Variants in DCDC2 observed in about 807,000 individuals in gnomAD.
The protein encoded by DCDC2 is doublecortin domain containing 2, also known as doublecortin domain-containing protein 2.
DCDC2 carries 40 observed loss-of-function variants against 50.2 expected under a neutral mutation model. The observed-to-expected ratio is 0.80, with a 90% confidence interval of 0.62 to 1.04. DCDC2 has a LOEUF of 1.04. Among genes scored for constraint, DCDC2 ranks in the 50% least tolerant of loss-of-function variants. DCDC2 has a pLI of 0.00. For missense variants in DCDC2, 570 were observed against 581.9 expected, an observed-to-expected ratio of 0.98 and a Z score of 0.21; for synonymous variants, 234 against 210.6, an observed-to-expected ratio of 1.11 and a Z score of -0.96.
intron 2 of DCDC2, among the ~76,000 whole-genome samples, chr6:24,337,021 A>G (rs1346643703): frequency 6.6e-6 from 1 of 152,230 alleles, no homozygotes; most frequent in Non-Finnish European, 1.5e-5. Context: ...GGAGAAAAGT[A>G]GCTTGTCTCC....
At chr6:24,324,061 A>T (rs1759815917) in intron 2 of DCDC2, among the ~76,000 whole-genome samples, 1 of 152,182 alleles carries the variant, frequency 6.6e-6, no homozygotes, top group South Asian at 2.1e-4. Context: ...GCTTGTAGTT[A>T]ACCAGTGAAC....
intron 6 of DCDC2, among the ~76,000 whole-genome samples, chr6:24,286,737 G>A (rs972894590): frequency 2.6e-5 from 4 of 152,060 alleles, no homozygotes; most frequent in Non-Finnish European, 2.9e-5. Context: ...TTGAAATTAC[G>A]TAGGTCATTC....
intron 5 of DCDC2, among the ~76,000 whole-genome samples, chr6:24,290,697 TA>T (rs76420632): frequency 5.9e-5 from 9 of 151,298 alleles, no homozygotes; most frequent in East Asian, 3.9e-4. Context: ...TCATGCATGC[TA>T]AAAAAAAACC....
chr6:24,361,391 A>T (rs2127261632), upstream of DCDC2, among the ~76,000 whole-genome samples: 1 of 152,164 alleles, frequency 6.6e-6, no homozygotes, highest in Non-Finnish European at 1.5e-5. Flanking sequence ...TTACCTATAT[A>T]ACAAATCTGC....
intron 2 of DCDC2, among the ~76,000 whole-genome samples, chr6:24,345,810 C>A (rs752100876): frequency 6.6e-6 from 1 of 152,106 alleles, no homozygotes; most frequent in Admixed American, 6.6e-5. Flanking sequence ...TGAGGAAGAA[C>A]TGATAAAAGA....
At chr6:24,180,361 T>G (rs1761043527) in intron 8 of DCDC2, among the ~76,000 whole-genome samples, 1 of 152,124 alleles carries the variant, frequency 6.6e-6, no homozygotes, top group Admixed American at 6.5e-5. Context: ...CTCTGCTCAC[T>G]GCAAGCCCCG....
intron 8 of DCDC2, among the ~76,000 whole-genome samples, chr6:24,180,363 C>T (rs1018082711): frequency 1.2e-4 from 19 of 152,076 alleles, no homozygotes; most frequent in Middle Eastern, 3.2e-3. Context: ...CTGCTCACTG[C>T]AAGCCCCGCT....
intron 7 of DCDC2, among the ~76,000 whole-genome samples, chr6:24,262,395 T>G (rs1038987092): frequency 6.6e-6 from 1 of 152,136 alleles, no homozygotes; most frequent in Non-Finnish European, 1.5e-5. Context: ...TTAAATAAAC[T>G]TGATAAACTT....
At chr6:24,285,501 G>C (rs72830865) in intron 6 of DCDC2, among the ~76,000 whole-genome samples, 18,400 of 151,998 alleles carry the variant, frequency 0.12, 1,116 homozygotes, top group East Asian at 0.17. Flanking sequence ...AGTAGACCAC[G>C]AGTATCAGAG....
upstream of DCDC2, among the ~76,000 whole-genome samples, chr6:24,362,343 G>GTTGATACAATTATTTTTTAATTGTATA (rs1760679965): frequency 1.8e-5 from 1 of 54,756 alleles, no homozygotes. Context: ...TTAATTGTAT[G>GTTGATACAATTATTTTTTAATTGTATA]TTGATACAAT....
upstream of DCDC2, among the ~76,000 whole-genome samples, chr6:24,359,418 ATT>A (rs1491236300): frequency 1.5e-5 from 1 of 65,742 alleles, no homozygotes; most frequent in Non-Finnish European, 2.6e-5. Context: ...TATATTATAT[ATT>A]ATATATATTT....
chr6:24,204,341 CATGA>C (rs1395592345), intron 8 of DCDC2, among the ~76,000 whole-genome samples: 1 of 152,116 alleles, frequency 6.6e-6, no homozygotes, highest in Non-Finnish European at 1.5e-5. Context: ...TTTGCAGGGA[CATGA>C]ATGAAGCTGG....
chr6:24,220,879 A>AGAGCGAGAGAGT (rs1718595560), intron 7 of DCDC2, among the ~76,000 whole-genome samples: 1 of 107,032 alleles, frequency 9.3e-6, no homozygotes, highest in East Asian at 2.6e-4. Context: ...CAAGAGAGCG[A>AGAGCGAGAGAGT]GAGCGAGAGA....
intron 2 of DCDC2, among the ~76,000 whole-genome samples, chr6:24,308,465 G>A (rs991768574): frequency 2.6e-5 from 4 of 151,834 alleles, no homozygotes; most frequent in African/African-American, 9.7e-5. Flanking sequence ...TTTTTCCTGG[G>A]GATAATTATC....
At chr6:24,202,004 C>CAA (rs202091723) in intron 8 of DCDC2, among the ~76,000 whole-genome samples, 1 of 148,986 alleles carries the variant, frequency 6.7e-6, no homozygotes, top group African/African-American at 2.5e-5. Context: ...GCCTGCCAGC[C>CAA]AAAAAAAAAG....
the DCDC2 span, among the ~76,000 whole-genome samples, chr6:24,379,889 A>G: frequency 1.3e-5 from 2 of 152,184 alleles, no homozygotes; most frequent in Non-Finnish European, 2.9e-5. Context: ...TGTCCTTTGC[A>G]GAGACATGGA....
At chr6:24,216,761 T>C (rs1205320591) in intron 7 of DCDC2, among the ~76,000 whole-genome samples, 1 of 152,232 alleles carries the variant, frequency 6.6e-6, no homozygotes, top group Non-Finnish European at 1.5e-5. Flanking sequence ...GTACAGAAAT[T>C]TAAACAATTC....
At chr6:24,373,916 A>T in the DCDC2 span, among the ~76,000 whole-genome samples, 3 of 152,034 alleles carry the variant, frequency 2.0e-5, no homozygotes, top group South Asian at 2.1e-4. Flanking sequence ...TAATCCCAGC[A>T]CTTTGGGAGT....
rs374772884 is a variant in DCDC2, at chr6:24,280,221, T to A, written c.760-2010A>T. On this transcript the variant is annotated intron_variant, in intron 6 of 9. Transcript: ENST00000378454. ...TTATTTATGCTATTTTGTCATAGCC[T>A]ACAAGTAAATGAATTATGCATAGGT... 5.0e-4 allele frequency among the ~76,000 whole-genome samples: 76 copies of A among 152,330 alleles called. 1 individual carries two copies. Among genetic ancestry groups the A allele is most frequent in the African/African-American group, 1.8e-3 (75 of 41,568 alleles).
Sources: allele counts gnomAD v4.1 joint callset (sites outside exome capture counted in the v4.1 genomes callset), GRCh38; gene constraint gnomAD v4.1.1; transcripts MANE v1.5; gene names NCBI Gene and HGNC (gene_info 2026-07-23, HGNC 2026-07-21).